VIPR2: variants seen among roughly 807,000 people sequenced by gnomAD.
VIPR2 encodes vasoactive intestinal polypeptide receptor 2.
Under a neutral mutation model 58.0 loss-of-function variants are expected in VIPR2, and 48 were observed. The observed-to-expected ratio is 0.83, with a 90% CI of 0.66 to 1.05. The LOEUF (loss-of-function observed/expected upper bound fraction) is 1.05, where lower values mean the gene tolerates loss of function less well. Ranked by LOEUF, VIPR2 falls within the 50% of genes least tolerant of loss-of-function variation. The pLI, the probability that VIPR2 is intolerant of heterozygous loss-of-function variation, is 0.00. For missense variants in VIPR2, 534 were observed against 558.0 expected (o/e 0.96, Z 0.43); for synonymous variants, 243 against 235.2 (o/e 1.03, Z -0.30).
Position 159,030,598 on chromosome 7 carries a change from C to A in VIPR2, c.*18G>T. ...CGAACCGTGGGCCTCCCGCCGCGTC[C>A]GACAGGCAGGGGTGGGGCTAGATGA... is the stretch of plus-strand genomic sequence containing the variant. On this transcript the variant is annotated 3_prime_UTR_variant, in exon 13 of 13. Coordinates refer to ENST00000262178, the MANE Select transcript of VIPR2 (RefSeq NM_003382.5). 6.6e-7 allele frequency: 1 copy of A among 1,514,540 alleles called. No homozygotes were observed. Among genetic ancestry groups the A allele is most frequent in the South Asian group, 1.3e-5 (1 of 79,402 alleles). 93.8% of individuals were successfully genotyped at this position (1,514,540 alleles called of 1,614,324 possible).
chr7:159,070,760 A>AT (rs1334146439), intron 4 of VIPR2, among the ~76,000 whole-genome samples: 3 of 152,244 alleles, frequency 2.0e-5, no homozygotes, highest in East Asian at 3.9e-4. Flanking sequence ...TGCAAATTAT[A>AT]TTAGTTTGCT....
rs116314507 is a variant in VIPR2, at chr7:159,041,161, G to A, written c.597+1874C>T. Among the ~76,000 whole-genome samples, 931 of 152,322 alleles carry A rather than the reference G, an allele frequency of 6.1e-3. 10 individuals are homozygous for A. The highest frequency in any genetic ancestry group is 0.021 in the African/African-American group (864 of 41,576). ...ACTGCTCTTCTGAAGGCGAATGAGT[G>A]TTCACCCAGTGTCCACAGAAACAGC... On this transcript the variant is annotated intron_variant, in intron 6 of 12. Transcript: ENST00000262178.
Position 159,096,929 on chromosome 7 carries a change from C to A in VIPR2, c.357+6828G>T. ...GTTCCCATCACTCGATGAGCCAATG[C>A]CCTCGTGGCTGGCATTGAGCTTGGC... On this transcript the variant is annotated intron_variant, in intron 4 of 12. Transcript: ENST00000262178. This position sits in a 1 kb window ranked among gnomAD's most constrained non-coding sequence, Gnocchi z 5.5. The A allele has an allele frequency of 1.3e-6, 2 of 1,550,736 alleles. No homozygotes were observed. Among genetic ancestry groups the A allele is most frequent in the Non-Finnish European group, 1.7e-6 (2 of 1,147,062 alleles).
chr7:159,076,160 C>T (rs992285536), intron 4 of VIPR2, among the ~76,000 whole-genome samples: 5 of 152,014 alleles, frequency 3.3e-5, no homozygotes, highest in Non-Finnish European at 4.4e-5. Context: ...GGATCTTGTG[C>T]GTTTTTGGAA....
chr7:159,084,123 T>G (rs1227069124), intron 4 of VIPR2, among the ~76,000 whole-genome samples: 1 of 152,178 alleles, frequency 6.6e-6, no homozygotes, highest in Non-Finnish European at 1.5e-5. Flanking sequence ...TGCTGTGGGG[T>G]GCAGAAAGCA....
chr7:159,037,364 C>A (rs1585334018), intron 6 of VIPR2, among the ~76,000 whole-genome samples: 1 of 152,128 alleles, frequency 6.6e-6, no homozygotes, highest in East Asian at 1.9e-4. Flanking sequence ...GTGGCAGGGG[C>A]CCTGCAGGGG....
rs557672727 is a variant in VIPR2, at chr7:159,098,093, G to A, written c.357+5664C>T. On this transcript the variant is annotated intron_variant, in intron 4 of 12. Transcript: ENST00000262178. The surrounding 1 kb of genome is among the most constrained non-coding windows in gnomAD (Gnocchi z 5.2). ...GGAATCCCCAGCCTCACACCAGCCC[G>A]GCCACTGCCGCTCCCGTCCTCTGCC... 3.5e-4 allele frequency among the ~76,000 whole-genome samples: 53 copies of A among 152,306 alleles called. No individual in the cohort carries two copies. Among genetic ancestry groups the A allele is most frequent in the African/African-American group, 1.2e-3 (48 of 41,572 alleles).
intron 2 of VIPR2, among the ~76,000 whole-genome samples, chr7:159,118,603 C>T (rs1199260882): frequency 6.6e-6 from 1 of 152,242 alleles, no homozygotes; most frequent in Non-Finnish European, 1.5e-5. Context: ...CATTCAATGG[C>T]AGGCATGAGC....
intron 4 of VIPR2, among the ~76,000 whole-genome samples, chr7:159,080,702 G>A (rs1856858703): frequency 6.6e-6 from 1 of 152,166 alleles, no homozygotes; most frequent in South Asian, 2.1e-4. Context: ...TGACATGATT[G>A]TATATCTAGA....
Position 159,028,217 on chromosome 7 carries a change from C to G in VIPR2, c.*2399G>C, listed in dbSNP as rs931918414. On this transcript the variant is annotated 3_prime_UTR_variant, in exon 13 of 13. Coordinates refer to ENST00000262178, the MANE Select transcript of VIPR2 (RefSeq NM_003382.5). ...GCTTTATTGAAGTATTTACACAGCT[C>G]ATTCCCGCCACGTGGAGGAGTCTGC... is the stretch of plus-strand genomic sequence containing the variant. 6.5e-6 allele frequency: 1 copy of G among 153,132 alleles called. No homozygotes were observed. The highest frequency in any genetic ancestry group is 1.5e-5 in the Non-Finnish European group (1 of 68,548). The allele number at this position is 153,132 out of a possible 1,614,324, so 9.5% of individuals were successfully genotyped here.
chr7:159,128,455 GGCCACTCCCCTCCT>G lies in VIPR2; in HGVS notation c.151+13977_151+13990del, dbSNP rs924833757. On this transcript the variant is annotated intron_variant, in intron 2 of 12. Coordinates refer to ENST00000262178, the MANE Select transcript of VIPR2 (RefSeq NM_003382.5). This position sits in a 1 kb window ranked among gnomAD's most constrained non-coding sequence, Gnocchi z 4.1. Reference sequence around the variant, plus strand: ...TGTGTAAAAACCTCTGGGCCCCCCTGGCCACTCCCCTCCTGCCTTGGGCCTCCCACCTGTGTGCT... The same window carrying G: ...TGTGTAAAAACCTCTGGGCCCCCCTGGCCTTGGGCCTCCCACCTGTGTGCT... Among the ~76,000 whole-genome samples the G allele has an allele frequency of 6.6e-6, 1 of 152,118 alleles. No homozygotes were observed. Among genetic ancestry groups the G allele is most frequent in the African/African-American group, 2.4e-5 (1 of 41,422 alleles).
At chr7:159,073,645 G>A (rs1201051744) in intron 4 of VIPR2, among the ~76,000 whole-genome samples, 1 of 152,168 alleles carries the variant, frequency 6.6e-6, no homozygotes, top group African/African-American at 2.4e-5. Context: ...CTGAGCTCAG[G>A]CAATCTGCCT....
chr7:159,034,170 C>T (rs745396411), intron 10 of VIPR2, 43 bp downstream of exon 10: 19 of 1,593,222 alleles, frequency 1.2e-5, no homozygotes, highest in East Asian at 6.7e-5. Context: ...TGTCTCCACA[C>T]GGCATCCCCA....
chr7:159,144,266 CG>C, intron 1 of VIPR2: 1 of 1,338,608 alleles, frequency 7.5e-7, no homozygotes, highest in Non-Finnish European at 9.6e-7. Flanking sequence ...TTTATTTAAC[CG>C]ACGCCACGTC....
chr7:159,143,215 GAGA>G (rs1158249673), intron 1 of VIPR2, among the ~76,000 whole-genome samples: 1 of 152,198 alleles, frequency 6.6e-6, no homozygotes, highest in Non-Finnish European at 1.5e-5. Flanking sequence ...CTACTAATGT[GAGA>G]AGAAGGCAGA....
intron 2 of VIPR2, among the ~76,000 whole-genome samples, chr7:159,114,199 C>CTTTGGGAGAGGCAGCGAA (rs1422959393): frequency 1.3e-5 from 2 of 151,908 alleles, no homozygotes; most frequent in East Asian, 3.9e-4. Context: ...ACAGTGAACC[C>CTTTGGGAGAGGCAGCGAA]TTTGGGAGAG....
chr7:159,096,075 T>G lies in VIPR2; in HGVS notation c.357+7682A>C, dbSNP rs1178130881. ...CCTGTGGAGCCCAAGAGCCAGCTGC[T>G]GGGTGCCCAAGCTGAACATCTGCCG... On this transcript the variant is annotated intron_variant, in intron 4 of 12. Transcript: ENST00000262178. This position sits in a 1 kb window ranked among gnomAD's most constrained non-coding sequence, Gnocchi z 5.5. 6.6e-6 allele frequency among the ~76,000 whole-genome samples: 1 copy of G among 152,152 alleles called. No individual in the cohort carries two copies. The highest frequency in any genetic ancestry group is 1.5e-5 in the Non-Finnish European group (1 of 68,022).
chr7:159,100,906 G>C (rs548653600), intron 4 of VIPR2, among the ~76,000 whole-genome samples: 2 of 146,450 alleles, frequency 1.4e-5, no homozygotes, highest in South Asian at 4.3e-4. Flanking sequence ...CCGTTCCCCC[G>C]ACTGTTCCTG....
intron 4 of VIPR2, among the ~76,000 whole-genome samples, chr7:159,087,551 C>G (rs1225419203): frequency 7.8e-6 from 1 of 128,146 alleles, no homozygotes. Context: ...ACCCAGGACT[C>G]GGATAGTGAG....
Sources: gnomAD v4.1 joint callset for allele counts (sites outside exome capture counted in the v4.1 genomes callset) on GRCh38, gnomAD v4.1.1 for gene constraint, Gnocchi (gnomAD v3.1) non-coding constraint, MANE v1.5 for transcripts, NCBI Gene and HGNC (gene_info 2026-07-23, HGNC 2026-07-21) for gene names.